Variants in KSR1 observed in about 807,000 individuals in gnomAD.
KSR1 encodes the protein kinase suppressor of ras.
A neutral mutation model predicts 92.9 loss-of-function variants in KSR1; 35 were observed. That is an observed-to-expected ratio of 0.38 (90% CI 0.29 to 0.50). The LOEUF (loss-of-function observed/expected upper bound fraction) is 0.50, where lower values mean the gene tolerates loss of function less well. KSR1 is among the 20% of genes least tolerant of loss of function. The pLI, the probability that KSR1 is intolerant of heterozygous loss-of-function variation, is 0.94. For synonymous variants in KSR1, 467 were observed against 472.6 expected, an observed-to-expected ratio of 0.99 and a Z score of 0.15; for missense variants, 972 against 1,158.5, an observed-to-expected ratio of 0.84 and a Z score of 2.34.
At chr17:27,540,145 T>C (rs564083750) in intron 1 of KSR1, among the ~76,000 whole-genome samples, 3 of 152,348 alleles carry the variant, frequency 2.0e-5, no homozygotes, top group African/African-American at 7.2e-5. Flanking sequence ...AACAGGTGAT[T>C]TATGTGATTT....
rs555279279 is a variant in KSR1, at chr17:27,470,079, G to A, written c.231+13205G>A. On this transcript the variant is annotated intron_variant, in intron 1 of 20. Transcript: ENST00000644974. ...TCTCCCATTTTTTTTTTTTTGAGGC[G>A]GAGTATCGCTCTGTTGCCCAGACTA... Among the ~76,000 whole-genome samples the A allele has an allele frequency of 1.1e-3, 158 of 150,012 alleles. 1 individual carries two copies. Among genetic ancestry groups the A allele is most frequent in the African/African-American group, 3.6e-3 (146 of 40,700 alleles).
chr17:27,518,432 G>A (rs1023096418), intron 1 of KSR1, among the ~76,000 whole-genome samples: 1 of 152,132 alleles, frequency 6.6e-6, no homozygotes, highest in African/African-American at 2.4e-5. Flanking sequence ...TTTTCTTTCC[G>A]TCCTTTCTTT....
At chr17:27,578,390 C>T (rs1035909407) in intron 3 of KSR1, 3 of 152,936 alleles carry the variant, frequency 2.0e-5, no homozygotes, top group Admixed American at 6.5e-5. Context: ...AATTTCCTCT[C>T]TGCCCTCATT....
intron 1 of KSR1, among the ~76,000 whole-genome samples, chr17:27,509,968 A>T (rs1443935723): frequency 2.6e-5 from 4 of 152,228 alleles, no homozygotes. Context: ...CTTGGCTCAG[A>T]GGTAGTGGAG....
chr17:27,584,507 A>G (rs904216173), intron 4 of KSR1, among the ~76,000 whole-genome samples: 2 of 152,200 alleles, frequency 1.3e-5, no homozygotes, highest in Admixed American at 1.3e-4. Context: ...CCACACGAAC[A>G]TGGGTCAGTC....
chr17:27,502,808 G>A (rs955980834), intron 1 of KSR1, among the ~76,000 whole-genome samples: 1 of 152,202 alleles, frequency 6.6e-6, no homozygotes, highest in African/African-American at 2.4e-5. Flanking sequence ...TTCCTGTCTG[G>A]GGCCAGGATG....
intron 1 of KSR1, chr17:27,526,820 G>T: frequency 1.2e-6 from 1 of 849,606 alleles, no homozygotes; most frequent in Non-Finnish European, 1.9e-6. Context: ...GTGGTATTTG[G>T]GCTCCTCCTC....
chr17:27,616,808 A>C (rs1239099305), intron 18 of KSR1, among the ~76,000 whole-genome samples: 1 of 152,204 alleles, frequency 6.6e-6, no homozygotes, highest in Middle Eastern at 3.2e-3. Context: ...GGCAGTCGGG[A>C]CAGCTGTTCT....
chr17:27,620,712 C>CTG (rs1395163472), intron 19 of KSR1, among the ~76,000 whole-genome samples: 2 of 152,156 alleles, frequency 1.3e-5, no homozygotes, highest in Non-Finnish European at 2.9e-5. Context: ...AGGCCAAGCT[C>CTG]TAATCAGACC....
In KSR1 at chr17:27,582,704, C is replaced by T; in HGVS notation, c.579C>T (p.Gly193=). The change falls in exon 4 of 21, where the codon GGC becomes GGT. Residue 193 remains glycine, a synonymous_variant. Transcript: ENST00000644974. ...CATTGGATGCGCGGCGGGAAAGTGGCTCAGGGCCTTCCACGGACACCCTCT... is the reference window on the plus strand; with the variant it reads ...CATTGGATGCGCGGCGGGAAAGTGGTTCAGGGCCTTCCACGGACACCCTCT... ...WSSLDARRES[G]SGPSTDTLSA... 6.2e-7 allele frequency: 1 copy of T among 1,613,818 alleles called. No individual in the cohort carries two copies. Among genetic ancestry groups the T allele is most frequent in the East Asian group, 2.2e-5 (1 of 44,882 alleles).
rs1474658080 is a variant in KSR1, at chr17:27,601,928, ATTGCAGAAAG to A, written c.1510+530_1510+539del. On this transcript the variant is annotated intron_variant, in intron 11 of 20. Coordinates refer to ENST00000644974, the MANE Select transcript of KSR1 (RefSeq NM_001394583.1). Reference sequence around the variant, plus strand: ...TGGCCATTGCTGGAAATGCCTCCTTATTGCAGAAAGTTTAAAGGAAAACGCTTTCAGTAAG... The same window carrying A: ...TGGCCATTGCTGGAAATGCCTCCTTATTTAAAGGAAAACGCTTTCAGTAAG... The A allele has an allele frequency of 1.9e-6, 3 of 1,609,204 alleles. No homozygotes were observed. In the East Asian group the frequency reaches 6.7e-5, roughly 36 times the overall value.
At position 27,456,579 on chromosome 17, in the gene KSR1, T is replaced by C. The variant is rs776322626; in HGVS notation, c.-65T>C. ...TGGTCCAGCTCTCCTGGCTCGGGGG[T>C]TCCTTGCCGAGGCGCCCGCGCCCCG... On this transcript the variant is annotated 5_prime_UTR_variant, in exon 1 of 21. Coordinates refer to ENST00000644974, the MANE Select transcript of KSR1 (RefSeq NM_001394583.1). 57 of 452,406 alleles carry C rather than the reference T, an allele frequency of 1.3e-4. No individual in the cohort carries two copies. Among genetic ancestry groups the C allele is most frequent in the Admixed American group, 5.4e-4 (12 of 22,228 alleles). The allele number at this position is 452,406 out of a possible 1,614,324, so 28.0% of individuals were successfully genotyped here. A position where few individuals can be genotyped will look rare whatever the true frequency, so the allele number is the denominator to read the frequency against.
intron 1 of KSR1, among the ~76,000 whole-genome samples, chr17:27,497,402 A>G (rs1049036223): frequency 2.0e-5 from 3 of 152,230 alleles, no homozygotes; most frequent in African/African-American, 7.2e-5. Flanking sequence ...TGGTGCCCAG[A>G]TGTGGCTGCA....
intron 1 of KSR1, among the ~76,000 whole-genome samples, chr17:27,549,730 A>G (rs914813057): frequency 2.6e-5 from 4 of 152,198 alleles, no homozygotes; most frequent in African/African-American, 7.2e-5. Context: ...CTCAGTGGTC[A>G]TGGCTACACT....
rs574683704 is a variant in KSR1 at position 27,605,172 on chromosome 17, C to T, written c.1615-262C>T. ...CTTTCCTGGACAATTAGATGTTGCTCACAGGTAGGTATTGGAGTATTAGCA... is the reference window on the plus strand; with the variant it reads ...CTTTCCTGGACAATTAGATGTTGCTTACAGGTAGGTATTGGAGTATTAGCA... On this transcript the variant is annotated intron_variant, in intron 13 of 20. Transcript: ENST00000644974. Among the ~76,000 whole-genome samples, 13 of 152,350 alleles carry T rather than the reference C, an allele frequency of 8.5e-5. 1 individual carries two copies. In the South Asian group the frequency reaches 2.1e-3, roughly 24 times the overall value.
At chr17:27,598,808 C>A (rs1040079009) in intron 10 of KSR1, among the ~76,000 whole-genome samples, 4 of 152,320 alleles carry the variant, frequency 2.6e-5, no homozygotes, top group East Asian at 1.9e-4. Flanking sequence ...GCCTCACTCT[C>A]TCCAAGATCC....
In KSR1 at chr17:27,456,549, G is replaced by T. The variant is rs183921178; in HGVS notation, c.-95G>T. The T allele has an allele frequency of 4.8e-6, 2 of 420,070 alleles. No homozygotes were observed. The highest frequency in any genetic ancestry group is 8.2e-6 in the Non-Finnish European group (2 of 242,482). 26.0% of individuals were successfully genotyped at this position (420,070 alleles called of 1,614,324 possible). The stretch of plus-strand genomic sequence containing the variant: ...CCCGGCTCGGGCAGCGCCGAGGGGC[G>T]CTCCTGGTCCAGCTCTCCTGGCTCG... On this transcript the variant is annotated 5_prime_UTR_variant, in exon 1 of 21. Transcript: ENST00000644974.
intron 1 of KSR1, chr17:27,526,802 G>C: frequency 9.8e-7 from 1 of 1,023,826 alleles, no homozygotes; most frequent in African/African-American, 1.6e-5. Context: ...TGATTCTTGG[G>C]CCGTGGCGTG....
intron 1 of KSR1, among the ~76,000 whole-genome samples, chr17:27,506,878 G>T (rs1419038510): frequency 6.6e-6 from 1 of 152,100 alleles, no homozygotes; most frequent in Non-Finnish European, 1.5e-5. Flanking sequence ...TGTCAGAGAA[G>T]TTGGTCCCTC....
Sources: allele counts gnomAD v4.1 joint callset (sites outside exome capture counted in the v4.1 genomes callset), GRCh38; gene constraint gnomAD v4.1.1; transcripts MANE v1.5; gene names NCBI Gene and HGNC (gene_info 2026-07-23, HGNC 2026-07-21).